The following GNB2 variants were observed in gnomAD, a reference collection of about 807,000 sequenced individuals.
The protein encoded by GNB2 is G protein subunit beta 2.
GNB2 carries 7 observed loss-of-function variants against 40.7 expected under a neutral mutation model. The observed-to-expected ratio is 0.17, with a 90% CI of 0.10 to 0.32. The LOEUF is 0.32. GNB2 is among the 10% of genes least tolerant of loss of function. GNB2 has a pLI of 1.00. For missense variants in GNB2, 286 were observed against 473.0 expected, an observed-to-expected ratio of 0.60 and a Z score of 3.67; for synonymous variants, 254 against 191.2, an observed-to-expected ratio of 1.33 and a Z score of -2.71.
intron 1 of GNB2, among the ~76,000 whole-genome samples, chr7:100,675,031 C>T (rs907054182): frequency 6.6e-6 from 1 of 152,094 alleles, no homozygotes; most frequent in Non-Finnish European, 1.5e-5. Context: ...GAAGTGGGAG[C>T]TGGGTGGGGG....
intron 7 of GNB2, 126 bp downstream of exon 7, chr7:100,677,944 C>A: frequency 9.8e-7 from 1 of 1,017,848 alleles, no homozygotes. Flanking sequence ...CTAAGGGGGT[C>A]AGGGAGGGAT....
chr7:100,677,328 T>C (rs1804372143), intron 4 of GNB2, 24 bp from the exon 5 acceptor site: 1 of 1,604,534 alleles, frequency 6.2e-7, no homozygotes, highest in African/African-American at 1.3e-5. Context: ...ACCCTTCTGC[T>C]CTCCCTACAC....
chr7:100,674,304 C>T (rs181382164), intron 1 of GNB2, among the ~76,000 whole-genome samples: 5 of 151,064 alleles, frequency 3.3e-5, no homozygotes, highest in Non-Finnish European at 7.4e-5. Context: ...GTGTCCTCCA[C>T]TGTCGCACCC....
At chr7:100,676,901 C>A in intron 4 of GNB2, 102 bp downstream of exon 4, 1 of 679,798 alleles carries the variant, frequency 1.5e-6, no homozygotes, top group Non-Finnish European at 2.6e-6. Context: ...AAATACCCAG[C>A]GTACGTCTGG....
In GNB2 at chr7:100,678,165, T is replaced by G; in HGVS notation, c.565T>G (p.Ser189Ala). 6.2e-7 allele frequency: 1 copy of G among 1,613,994 alleles called. No homozygotes were observed. Among genetic ancestry groups the G allele is most frequent in the South Asian group, 1.1e-5 (1 of 91,084 alleles). ...TGCTGGACACAGTGGGGATGTGATG[T>G]CCCTGTCCCTGGCCCCCGATGGCCG... Reference protein sequence around the residue: ...GFAGHSGDVMSLSLAPDGRTF... With the variant: ...GFAGHSGDVMALSLAPDGRTF... The change falls in exon 8 of 10, where the codon TCC (serine) becomes GCC (alanine). Residue 189 changes from serine (S) to alanine (A), a missense_variant. Transcript: ENST00000303210.
rs1289644701 is a variant in GNB2 at position 100,676,257 on chromosome 7, C to T, written c.-9C>T. 1.9e-6 allele frequency: 3 copies of T among 1,595,324 alleles called. No homozygotes were observed. Among genetic ancestry groups the T allele is most frequent in the Middle Eastern group, 1.9e-4 (1 of 5,346 alleles). ...GCCGCCCCCAACCCTGCCCCACGGGCCCGGCGCCATGAGTGAGCTGGAGCA... is the reference window on the plus strand; with the variant it reads ...GCCGCCCCCAACCCTGCCCCACGGGTCCGGCGCCATGAGTGAGCTGGAGCA... On this transcript the variant is annotated 5_prime_UTR_variant, in exon 2 of 10. Coordinates refer to ENST00000303210, the MANE Select transcript of GNB2 (RefSeq NM_005273.4).
At chr7:100,676,420 G>A in intron 2 of GNB2, 98 bp downstream of exon 2, 1 of 1,262,118 alleles carries the variant, frequency 7.9e-7, no homozygotes, top group African/African-American at 1.5e-5. Context: ...GGGAGGGAGG[G>A]CCCCTTAATG....
intron 4 of GNB2, 28 bp downstream of exon 4, chr7:100,676,827 G>A: frequency 7.5e-7 from 1 of 1,341,924 alleles, no homozygotes; most frequent in East Asian, 2.4e-5. Flanking sequence ...GGCTGGCGCT[G>A]TGGGCCGACT....
intron 2 of GNB2, 51 bp downstream of exon 2, chr7:100,676,373 C>G (rs1804347181): frequency 6.8e-7 from 1 of 1,474,172 alleles, no homozygotes; most frequent in African/African-American, 1.4e-5. Flanking sequence ...GCCCGGTGCC[C>G]TGGACCGGGT....
intron 1 of GNB2, among the ~76,000 whole-genome samples, chr7:100,675,095 C>A (rs1012239674): frequency 2.0e-5 from 3 of 150,642 alleles, no homozygotes; most frequent in African/African-American, 7.3e-5. Flanking sequence ...AGGTGTCCCG[C>A]GGGCGGGGAA....
At position 100,678,921 on chromosome 7, in the gene GNB2, C is replaced by G; in HGVS notation, c.*120C>G. 1.4e-6 allele frequency: 1 copy of G among 736,346 alleles called. No homozygotes were observed. Among genetic ancestry groups the G allele is most frequent in the South Asian group, 1.8e-5 (1 of 55,752 alleles). The allele number at this position is 736,346 out of a possible 1,614,324, so 45.6% of individuals were successfully genotyped here. On this transcript the variant is annotated 3_prime_UTR_variant, in exon 10 of 10. Transcript: ENST00000303210. ...TCCCCGGGCCACGGGGCCTTGGGTC[C>G]CTGCCCTCCCACCCAGGTTTGGTTC...
chr7:100,676,872 C>T (rs1033651365), intron 4 of GNB2, 73 bp downstream of exon 4: 13 of 882,708 alleles, frequency 1.5e-5, no homozygotes, highest in Non-Finnish European at 2.1e-5. Flanking sequence ...TCAGATCTGG[C>T]GGAGTAAGCA....
intron 2 of GNB2, 44 bp downstream of exon 2, chr7:100,676,366 C>CGGTGCCCT: frequency 1.4e-6 from 2 of 1,466,572 alleles, no homozygotes; most frequent in Non-Finnish European, 1.9e-6. Flanking sequence ...GTACACCGCC[C>CGGTGCCCT]GGTGCCCTGG....
chr7:100,677,698 TG>T (rs758633651), intron 6 of GNB2, 38 bp downstream of exon 6: 8 of 1,612,722 alleles, frequency 5.0e-6, no homozygotes, highest in South Asian at 2.2e-5. Flanking sequence ...TTTTTGGGGT[TG>T]GGGGGTGCAC....
In GNB2 at chr7:100,679,057, G is replaced by A. The variant is rs950876939; in HGVS notation, c.*256G>A. 8 of 462,492 alleles carry A rather than the reference G, an allele frequency of 1.7e-5. No homozygotes were observed. The highest frequency in any genetic ancestry group is 5.6e-4 in the Middle Eastern group (1 of 1,790). The allele number at this position is 462,492 out of a possible 1,614,324, so 28.6% of individuals were successfully genotyped here. On this transcript the variant is annotated 3_prime_UTR_variant, in exon 10 of 10. Transcript: ENST00000303210. ...GGGGTTGGGGCCTCACCCCTCTGGA[G>A]GGCCGGAGGCAGGAGGTGGAAACCC...
Position 100,678,961 on chromosome 7 carries a change from A to G in GNB2, c.*160A>G, listed in dbSNP as rs776139271. On this transcript the variant is annotated 3_prime_UTR_variant, in exon 10 of 10. Coordinates refer to ENST00000303210, the MANE Select transcript of GNB2 (RefSeq NM_005273.4). ...AGGTTTGGTTCCTCCCGGGGCCCCC[A>G]CTGTGGAGATAAGAAGGGGATGGAA... 1.6e-6 allele frequency: 1 copy of G among 608,672 alleles called. No homozygotes were observed. Among genetic ancestry groups the G allele is most frequent in the South Asian group, 2.0e-5 (1 of 50,352 alleles). The allele number at this position is 608,672 out of a possible 1,614,324, so 37.7% of individuals were successfully genotyped here. A position where few individuals can be genotyped will look rare whatever the true frequency, so the allele number is the denominator to read the frequency against.
intron 4 of GNB2, 50 bp downstream of exon 4, chr7:100,676,849 C>A (rs558986512): frequency 9.2e-7 from 1 of 1,084,214 alleles, no homozygotes; most frequent in Non-Finnish European, 1.4e-6. Flanking sequence ...TCTAGCAGGC[C>A]GTGGGAGCAG....
Position 100,678,681 on chromosome 7 carries a change from T to G in GNB2, c.917-14T>G. The G allele has an allele frequency of 6.2e-7, 1 of 1,612,040 alleles. No homozygotes were observed. Among genetic ancestry groups the G allele is most frequent in the Non-Finnish European group, 8.5e-7 (1 of 1,178,580 alleles). ...CCCAGGCCCAATGGGTTCTGACTTC[T>G]CTCTTCTTCACAGGAGTCCTCGCTG... On this transcript the variant is annotated splice_polypyrimidine_tract_variant and intron_variant, in intron 9 of 9. Coordinates refer to ENST00000303210, the MANE Select transcript of GNB2 (RefSeq NM_005273.4).
rs1300817281 is a variant in GNB2 at position 100,677,914 on chromosome 7, C to T, written c.497+96C>T. The stretch of plus-strand genomic sequence containing the variant: ...GCTCAACATGCAGCATGCACCGTAG[C>T]CTCCCTCTCCTGGTGGGCGCTAAGG... On this transcript the variant is annotated intron_variant, in intron 7 of 9. Transcript: ENST00000303210. The T allele has an allele frequency of 1.2e-5, 14 of 1,161,660 alleles. No homozygotes were observed. The East Asian group carries it at 2.9e-4, about 24-fold the overall frequency. The allele number at this position is 1,161,660 out of a possible 1,614,324, so 72.0% of individuals were successfully genotyped here.
Sources: allele counts gnomAD v4.1 joint callset (sites outside exome capture counted in the v4.1 genomes callset), GRCh38; gene constraint gnomAD v4.1.1; transcripts MANE v1.5; gene names NCBI Gene and HGNC (gene_info 2026-07-23, HGNC 2026-07-21).